LINGO2: variants seen among roughly 807,000 people sequenced by gnomAD.
LINGO2 encodes leucine-rich repeat and immunoglobulin-like domain-containing nogo receptor-interacting protein 2.
Under a neutral mutation model 30.6 loss-of-function variants are expected in LINGO2, and 14 were observed. The observed-to-expected ratio is 0.46, with a 90% CI of 0.30 to 0.72. LINGO2 has a LOEUF of 0.72. Among genes scored for constraint, LINGO2 ranks in the 30% least tolerant of loss-of-function variants. The pLI is 0.07. For synonymous variants in LINGO2, 317 were observed against 288.5 expected (o/e 1.10, Z -1.00); for missense variants, 729 against 751.7 (o/e 0.97, Z 0.35).
At chr9:28,852,848 T>A in the LINGO2 span, among the ~76,000 whole-genome samples, 1 of 152,044 alleles carries the variant, frequency 6.6e-6, no homozygotes, top group East Asian at 1.9e-4. Flanking sequence ...GATACAGTCC[T>A]TCTCAGCCTA....
intron 5 of LINGO2, among the ~76,000 whole-genome samples, chr9:28,005,496 A>G (rs1822218403): frequency 6.6e-6 from 1 of 152,008 alleles, no homozygotes; most frequent in African/African-American, 2.4e-5. Context: ...CACAGTTTCT[A>G]TCTAATTCTC....
chr9:28,351,744 A>C (rs950093037), intron 3 of LINGO2, among the ~76,000 whole-genome samples: 5 of 152,118 alleles, frequency 3.3e-5, no homozygotes, highest in Admixed American at 3.3e-4. Context: ...TGGTGCAAAA[A>C]TCCTCAATAA....
chr9:29,187,780 A>ATTTTTTTTTTTTTT, the LINGO2 span, among the ~76,000 whole-genome samples: 6 of 118,846 alleles, frequency 5.0e-5, no homozygotes, highest in Non-Finnish European at 8.6e-5. Context: ...ATACATTTCA[A>ATTTTTTTTTTTTTT]TTTTTTTTTT....
At chr9:28,813,318 T>C in the LINGO2 span, among the ~76,000 whole-genome samples, 11 of 152,266 alleles carry the variant, frequency 7.2e-5, no homozygotes, top group African/African-American at 2.6e-4. Flanking sequence ...GTACTTAACG[T>C]TTAATTCATA....
chr9:28,038,775 A>T (rs1019862502), intron 4 of LINGO2, among the ~76,000 whole-genome samples: 2 of 152,200 alleles, frequency 1.3e-5, no homozygotes, highest in African/African-American at 4.8e-5. Flanking sequence ...CACTCCAACA[A>T]ACAAAATGTA....
chr9:28,754,635 C>CT, the LINGO2 span, among the ~76,000 whole-genome samples: 606 of 143,406 alleles, frequency 4.2e-3, 6 homozygotes, highest in African/African-American at 0.011. Context: ...TGTTTCTGTC[C>CT]TTTTTTTTTT....
intron 4 of LINGO2, among the ~76,000 whole-genome samples, chr9:28,205,873 T>G (rs1195872542): frequency 6.6e-6 from 1 of 152,060 alleles, no homozygotes; most frequent in Admixed American, 6.6e-5. Context: ...TGATCTCCAA[T>G]CTACTCTAGA....
the LINGO2 span, among the ~76,000 whole-genome samples, chr9:28,875,210 G>C: frequency 3.3e-5 from 5 of 151,934 alleles, no homozygotes; most frequent in African/African-American, 1.2e-4. Context: ...TTAAAAAATA[G>C]TACAACTTAC....
the LINGO2 span, among the ~76,000 whole-genome samples, chr9:28,847,214 C>T: frequency 2.7e-5 from 4 of 148,322 alleles, no homozygotes; most frequent in Non-Finnish European, 5.9e-5. Context: ...CCTAAGACTC[C>T]AATCACAGGC....
intron 4 of LINGO2, among the ~76,000 whole-genome samples, chr9:28,107,498 C>G (rs1347789275): frequency 2.0e-5 from 3 of 152,074 alleles, no homozygotes; most frequent in African/African-American, 7.2e-5. Flanking sequence ...TTTCTTCTAC[C>G]TCTAAAAATC....
chr9:28,977,421 G>A, the LINGO2 span, among the ~76,000 whole-genome samples: 2 of 151,996 alleles, frequency 1.3e-5, no homozygotes, highest in African/African-American at 4.8e-5. Context: ...GTACTGATAG[G>A]TGTGAATTTT....
At chr9:28,015,211 A>T (rs1822767057) in intron 4 of LINGO2, among the ~76,000 whole-genome samples, 1 of 152,162 alleles carries the variant, frequency 6.6e-6, no homozygotes, top group African/African-American at 2.4e-5. Context: ...TGGGATAACA[A>T]GTTCCTCTTA....
At chr9:28,269,870 A>G (rs929224195) in intron 4 of LINGO2, among the ~76,000 whole-genome samples, 1 of 152,112 alleles carries the variant, frequency 6.6e-6, no homozygotes, top group Non-Finnish European at 1.5e-5. Flanking sequence ...TAAAGATGAC[A>G]AAGGTAGAGG....
chr9:28,981,085 G>A, the LINGO2 span, among the ~76,000 whole-genome samples: 1 of 152,066 alleles, frequency 6.6e-6, no homozygotes, highest in Non-Finnish European at 1.5e-5. Flanking sequence ...TTTTCTTCAA[G>A]CAAATGACCG....
chr9:28,087,596 A>G (rs1280255468), intron 4 of LINGO2, among the ~76,000 whole-genome samples: 3 of 151,974 alleles, frequency 2.0e-5, no homozygotes, highest in Non-Finnish European at 2.9e-5. Context: ...TCCTGGAATG[A>G]TCATGAAATA....
Position 28,076,096 on chromosome 9 carries a change from T to A in LINGO2, c.-86-63691A>T, listed in dbSNP as rs554493508. Among the ~76,000 whole-genome samples, 7 of 152,190 alleles carry A rather than the reference T, an allele frequency of 4.6e-5. No individual in the cohort carries two copies. In the South Asian group the frequency reaches 1.4e-3, roughly 32 times the overall value. On this transcript the variant is annotated intron_variant, in intron 4 of 5. Coordinates refer to ENST00000379992, the Ensembl canonical transcript of LINGO2. ...TCTATTCCTGCAGCAGGATATCCTGTCTTAATTACTATTGTTTTAAAATCA... is the reference window on the plus strand; with the variant it reads ...TCTATTCCTGCAGCAGGATATCCTGACTTAATTACTATTGTTTTAAAATCA...
intron 1 of LINGO2, among the ~76,000 whole-genome samples, chr9:28,639,044 A>C (rs571762416): frequency 6.6e-6 from 1 of 152,176 alleles, no homozygotes; most frequent in Admixed American, 6.5e-5. Flanking sequence ...GGTTTCAAAG[A>C]ACATCTTTAT....
At chr9:28,892,054 T>G in the LINGO2 span, among the ~76,000 whole-genome samples, 2 of 152,084 alleles carry the variant, frequency 1.3e-5, no homozygotes, top group South Asian at 4.1e-4. Context: ...AAACTGGGTC[T>G]TTCTTTATAA....
At chr9:28,533,311 G>A (rs1821305747) in intron 1 of LINGO2, among the ~76,000 whole-genome samples, 1 of 152,014 alleles carries the variant, frequency 6.6e-6, no homozygotes, top group Admixed American at 6.6e-5. Flanking sequence ...AGGCTGCACC[G>A]TCCGCTTCCC....
Sources: allele counts gnomAD v4.1 joint callset (sites outside exome capture counted in the v4.1 genomes callset), GRCh38; gene constraint gnomAD v4.1.1; transcripts MANE v1.5; gene names NCBI Gene and HGNC (gene_info 2026-07-23, HGNC 2026-07-21).